SYNDIG1: variants seen among roughly 807,000 people sequenced by gnomAD.
SYNDIG1 encodes synapse differentiation-inducing gene protein 1.
SYNDIG1 carries 9 observed loss-of-function variants against 19.4 expected under a neutral mutation model. The ratio of observed to expected loss-of-function variants is 0.46; its 90% CI spans 0.28 to 0.81. The LOEUF (loss-of-function observed/expected upper bound fraction) is 0.81, where lower values mean the gene tolerates loss of function less well. Among genes scored for constraint, SYNDIG1 ranks in the 30% least tolerant of loss-of-function variants. The probability of loss-of-function intolerance (pLI) is 0.12; values close to 1 mark genes in which losing one functional copy is unlikely to be tolerated. For missense variants in SYNDIG1, 311 were observed against 343.3 expected, an observed-to-expected ratio of 0.91 and a Z score of 0.74; for synonymous variants, 141 against 145.9, an observed-to-expected ratio of 0.97 and a Z score of 0.24.
intron 2 of SYNDIG1, among the ~76,000 whole-genome samples, chr20:24,582,304 G>A: frequency 1.4e-5 from 1 of 72,050 alleles, no homozygotes; most frequent in Non-Finnish European, 2.6e-5. Context: ...CCTCCCCATT[G>A]CACGCCCTCC....
At chr20:24,603,690 A>G (rs908845336) in intron 3 of SYNDIG1, among the ~76,000 whole-genome samples, 1 of 152,234 alleles carries the variant, frequency 6.6e-6, no homozygotes, top group African/African-American at 2.4e-5. Flanking sequence ...AGAGTAGAGT[A>G]GACCATCAGG....
At chr20:24,517,137 A>C (rs1011276892) in intron 1 of SYNDIG1, among the ~76,000 whole-genome samples, 3 of 151,866 alleles carry the variant, frequency 2.0e-5, no homozygotes, top group Non-Finnish European at 4.4e-5. Flanking sequence ...AACATCACAC[A>C]CTGGGGCCTG....
rs146402091 is a variant in SYNDIG1 at position 24,624,606 on chromosome 20, C to T, written c.618+39613C>T. 6.6e-5 allele frequency among the ~76,000 whole-genome samples: 10 copies of T among 152,264 alleles called. No homozygotes were observed. In the East Asian group the frequency reaches 1.9e-3, roughly 29 times the overall value. On this transcript the variant is annotated intron_variant, in intron 3 of 3. Transcript: ENST00000376862. The stretch of plus-strand genomic sequence containing the variant: ...AATGGTAGTTAGAGATTTTCATGCT[C>T]ATTTGTCAGTAATTGATAGATCAAG...
chr20:24,621,356 T>A (rs1423457274), intron 3 of SYNDIG1, among the ~76,000 whole-genome samples: 2 of 152,230 alleles, frequency 1.3e-5, no homozygotes, highest in Non-Finnish European at 2.9e-5. Context: ...AAGGTTTCAG[T>A]TGGTTGGCTT....
intron 3 of SYNDIG1, among the ~76,000 whole-genome samples, chr20:24,639,272 A>T (rs532766065): frequency 6.6e-6 from 1 of 152,166 alleles, no homozygotes; most frequent in Non-Finnish European, 1.5e-5. Context: ...CAGAGGCATG[A>T]ACCAGGTGCA....
At chr20:24,516,311 CA>C (rs2056863199) in intron 1 of SYNDIG1, among the ~76,000 whole-genome samples, 1 of 152,124 alleles carries the variant, frequency 6.6e-6, no homozygotes, top group Non-Finnish European at 1.5e-5. Context: ...GCAATGGCAA[CA>C]AAAGCCAAAA....
At chr20:24,661,058 G>C (rs1371563094) in intron 3 of SYNDIG1, among the ~76,000 whole-genome samples, 2 of 152,250 alleles carry the variant, frequency 1.3e-5, no homozygotes, top group Non-Finnish European at 1.5e-5. Context: ...TGGGACCCAG[G>C]CTCAGCACAC....
At chr20:24,499,836 A>G (rs755890272) in intron 1 of SYNDIG1, among the ~76,000 whole-genome samples, 1 of 152,222 alleles carries the variant, frequency 6.6e-6, no homozygotes, top group Non-Finnish European at 1.5e-5. Context: ...ATCTTTATAC[A>G]TAGTTCATAT....
At chr20:24,605,194 G>A (rs2058736474) in intron 3 of SYNDIG1, among the ~76,000 whole-genome samples, 1 of 152,124 alleles carries the variant, frequency 6.6e-6, no homozygotes, top group Admixed American at 6.5e-5. Context: ...GGGTGGGAAG[G>A]GTTTGCCGTG....
intron 2 of SYNDIG1, among the ~76,000 whole-genome samples, chr20:24,556,360 G>T (rs1387907223): frequency 1.3e-5 from 2 of 152,146 alleles, no homozygotes. Context: ...GATGTTAGCT[G>T]GTTATTTTGC....
chr20:24,621,989 T>G (rs2059046533), intron 3 of SYNDIG1, among the ~76,000 whole-genome samples: 1 of 152,220 alleles, frequency 6.6e-6, no homozygotes, highest in South Asian at 2.1e-4. Flanking sequence ...TATGTCTATA[T>G]TTCAACATAA....
In SYNDIG1 at chr20:24,628,646, A is replaced by G. The variant is rs2059194712; in HGVS notation, c.619-36700A>G. The stretch of plus-strand genomic sequence containing the variant: ...TGCATTTTCTGCTCCCCACCCAATC[A>G]AAACACATTGTGAGTGGCAGTGGGG... On this transcript the variant is annotated intron_variant, in intron 3 of 3. Transcript: ENST00000376862. Among the ~76,000 whole-genome samples the G allele has an allele frequency of 2.0e-5, 3 of 152,322 alleles. No individual in the cohort carries two copies. The South Asian group carries it at 6.2e-4, about 32-fold the overall frequency.
At chr20:24,576,117 T>C (rs1250471382) in intron 2 of SYNDIG1, among the ~76,000 whole-genome samples, 2 of 152,200 alleles carry the variant, frequency 1.3e-5, no homozygotes, top group Non-Finnish European at 2.9e-5. Context: ...GACCAAATGG[T>C]TAGACCAGGC....
chr20:24,565,395 A>G (rs2058025885), intron 2 of SYNDIG1, among the ~76,000 whole-genome samples: 1 of 152,196 alleles, frequency 6.6e-6, no homozygotes. Flanking sequence ...CCGAGATAAC[A>G]GTGGTGCTTC....
intron 1 of SYNDIG1, among the ~76,000 whole-genome samples, chr20:24,479,884 T>G (rs903141321): frequency 3.3e-5 from 5 of 152,220 alleles, no homozygotes. Context: ...CTGTTCACCC[T>G]CCAGCCTCAT....
chr20:24,524,329 A>T, intron 1 of SYNDIG1, among the ~76,000 whole-genome samples: 1 of 152,024 alleles, frequency 6.6e-6, no homozygotes. Context: ...TAGATTCCTC[A>T]TCTACTGTTA....
At chr20:24,486,669 T>TG (rs1232898773) in intron 1 of SYNDIG1, among the ~76,000 whole-genome samples, 1 of 151,530 alleles carries the variant, frequency 6.6e-6, no homozygotes, top group African/African-American at 2.4e-5. Context: ...ATTTTTTTTT[T>TG]GTTTTTTTGT....
intron 1 of SYNDIG1, among the ~76,000 whole-genome samples, chr20:24,516,892 G>T (rs1311642098): frequency 1.3e-5 from 2 of 152,108 alleles, no homozygotes. Context: ...CAAAGATTTG[G>T]AACCATCCCA....
chr20:24,570,436 A>T (rs191028379), intron 2 of SYNDIG1, among the ~76,000 whole-genome samples: 1 of 152,376 alleles, frequency 6.6e-6, no homozygotes, highest in Admixed American at 6.5e-5. Context: ...CAGAAAAATT[A>T]TCTCTTAAAT....
Sources: allele counts gnomAD v4.1 joint callset (sites outside exome capture counted in the v4.1 genomes callset), GRCh38; gene constraint gnomAD v4.1.1; transcripts MANE v1.5; gene names NCBI Gene and HGNC (gene_info 2026-07-23, HGNC 2026-07-21).